CEMIP2: variants seen among roughly 807,000 people sequenced by gnomAD.
CEMIP2 encodes cell migration inducing hyaluronidase 2.
A neutral mutation model predicts 146.9 loss-of-function variants in CEMIP2; 79 were observed. The observed-to-expected ratio is 0.54, with a 90% CI of 0.45 to 0.65. CEMIP2 has a LOEUF of 0.65. Among genes scored for constraint, CEMIP2 ranks in the 30% least tolerant of loss-of-function variants. CEMIP2 has a pLI of 0.00. For synonymous variants in CEMIP2, 601 were observed against 606.3 expected, an observed-to-expected ratio of 0.99 and a Z score of 0.13; for missense variants, 1,596 against 1,696.2, an observed-to-expected ratio of 0.94 and a Z score of 1.04.
In CEMIP2 at chr9:71,717,832, T is replaced by C. The variant is rs151292338; in HGVS notation, c.2399+116A>G. 1.6e-4 allele frequency: 163 copies of C among 1,010,824 alleles called. No homozygotes were observed. The African/African-American group carries it at 2.2e-3, about 14-fold the overall frequency. 62.6% of individuals were successfully genotyped at this position (1,010,824 alleles called of 1,614,324 possible). On this transcript the variant is annotated intron_variant, in intron 13 of 23. Transcript: ENST00000377044. ...TTCCTCAGAGCTTGTCCTGTCTTAATAATAATAATATGATTCCAAGAATCA... is the reference window on the plus strand; with the variant it reads ...TTCCTCAGAGCTTGTCCTGTCTTAACAATAATAATATGATTCCAAGAATCA...
intron 1 of CEMIP2, among the ~76,000 whole-genome samples, chr9:71,755,269 G>A (rs867556314): frequency 1.4e-5 from 2 of 147,600 alleles, no homozygotes; most frequent in African/African-American, 2.5e-5. Context: ...TCAGTGCTTT[G>A]GGGGGTCAAT....
At chr9:71,752,366 T>G (rs1319832355) in intron 1 of CEMIP2, among the ~76,000 whole-genome samples, 1 of 149,448 alleles carries the variant, frequency 6.7e-6, no homozygotes, top group Non-Finnish European at 1.5e-5. Flanking sequence ...GGAAGTCCTT[T>G]TTAATTTTTT....
rs59985618 is a variant in CEMIP2, at chr9:71,732,686, A to ATTTTTTTTTTTTTT, written c.1394-180_1394-167dup. On this transcript the variant is annotated intron_variant, in intron 6 of 23. Transcript: ENST00000377044. ...GAATCAGAATCCCAGGACACGGGGA[A>ATTTTTTTTTTTTTT]TTTTTTTTTTTTTTTTTTTTTTTTT... Among the ~76,000 whole-genome samples, 9 of 75,878 alleles carry ATTTTTTTTTTTTTT rather than the reference A, an allele frequency of 1.2e-4. 2 individuals carry two copies. Among genetic ancestry groups the ATTTTTTTTTTTTTT allele is most frequent in the African/African-American group, 5.0e-4 (8 of 16,098 alleles). The allele number at this position is 75,878 out of a possible 152,430, so 49.8% of individuals were successfully genotyped here. A position where few individuals can be genotyped will look rare whatever the true frequency, so the allele number is the denominator to read the frequency against.
At chr9:71,735,296 A>T (rs1229713340) in intron 5 of CEMIP2, among the ~76,000 whole-genome samples, 1 of 151,982 alleles carries the variant, frequency 6.6e-6, no homozygotes, top group Non-Finnish European at 1.5e-5. Context: ...AGATCCCCAA[A>T]TCTCTTGCTA....
chr9:71,700,644 C>T lies in CEMIP2; in HGVS notation c.3375G>A (p.Thr1125=), dbSNP rs78031191. 15,890 of 1,588,234 alleles carry T rather than the reference C, an allele frequency of 0.01. 421 individuals carry two copies. Among genetic ancestry groups the T allele is most frequent in the Admixed American group, 0.083 (4,415 of 53,432 alleles). ...SERKFYFDSS[T]GLLFLYLKAK... ...ATTCCCTGGTTTCACTGAATTACCC[C>T]GTGCTGGAGTCAAAATAGAATTTCC... The change falls in exon 19 of 24, where the codon ACG becomes ACA. Residue 1125 remains threonine, a splice_region_variant and synonymous_variant. Coordinates refer to ENST00000377044, the MANE Select transcript of CEMIP2 (RefSeq NM_013390.3).
intron 10 of CEMIP2, among the ~76,000 whole-genome samples, chr9:71,726,468 C>T (rs1207381429): frequency 6.6e-6 from 1 of 152,280 alleles, no homozygotes; most frequent in African/African-American, 2.4e-5. Flanking sequence ...CTTAATCATA[C>T]AGTGTAAAAG....
At chr9:71,722,563 C>A in intron 11 of CEMIP2, 48 bp from the exon 12 acceptor site, 1 of 1,388,314 alleles carries the variant, frequency 7.2e-7, no homozygotes, top group East Asian at 2.3e-5. Context: ...TCCCAACTTA[C>A]AACAACATAT....
chr9:71,692,358 A>AC (rs1169048711), intron 21 of CEMIP2, among the ~76,000 whole-genome samples: 184 of 50,762 alleles, frequency 3.6e-3, no homozygotes, highest in South Asian at 5.3e-3. Context: ...CTCTCTCTCT[A>AC]CCCCCCATCT....
At chr9:71,758,013 T>C (rs1407410679) in intron 1 of CEMIP2, among the ~76,000 whole-genome samples, 2 of 152,136 alleles carry the variant, frequency 1.3e-5, no homozygotes, top group Non-Finnish European at 2.9e-5. Context: ...AGAGTTTGGG[T>C]AGGGAGGAAT....
chr9:71,725,235 A>T (rs1823349151), intron 11 of CEMIP2, among the ~76,000 whole-genome samples: 1 of 152,214 alleles, frequency 6.6e-6, no homozygotes, highest in African/African-American at 2.4e-5. Context: ...TGGGAGGTAG[A>T]GCCTAATGGA....
At chr9:71,694,738 T>C in intron 20 of CEMIP2, 131 bp from the exon 21 acceptor site, 1 of 617,640 alleles carries the variant, frequency 1.6e-6, no homozygotes, top group Non-Finnish European at 2.9e-6. Context: ...ACATATTTCA[T>C]GACCTAGAAT....
rs533783613 is a variant in CEMIP2 at position 71,703,250 on chromosome 9, C to T, written c.3194+1345G>A. On this transcript the variant is annotated intron_variant, in intron 18 of 23. Coordinates refer to ENST00000377044, the MANE Select transcript of CEMIP2 (RefSeq NM_013390.3). The stretch of plus-strand genomic sequence containing the variant: ...AGCTGGAACCAACAGGGTGCAGTTA[C>T]GGATAAGATGGAGTGATGAGGGAAA... Among the ~76,000 whole-genome samples the T allele has an allele frequency of 3.3e-5, 5 of 152,148 alleles. No homozygotes were observed. The South Asian group carries it at 6.2e-4, about 19-fold the overall frequency.
rs527308650 is a variant in CEMIP2, at chr9:71,750,519, G to A, written c.-12-134C>T. 3.2e-3 allele frequency: 1,979 copies of A among 627,456 alleles called. 6 individuals are homozygous for A. Among genetic ancestry groups the A allele is most frequent in the Admixed American group, 4.0e-3 (109 of 27,360 alleles). 38.9% of individuals were successfully genotyped at this position (627,456 alleles called of 1,614,324 possible). On this transcript the variant is annotated intron_variant, in intron 1 of 23. Transcript: ENST00000377044. ...TGCAATGGCATGATCTCGGCTCACCGCCACCTCTGCCTCCCAGGTTCAAGT... is the reference window on the plus strand; with the variant it reads ...TGCAATGGCATGATCTCGGCTCACCACCACCTCTGCCTCCCAGGTTCAAGT...
rs147032154 is a variant in CEMIP2 at position 71,761,104 on chromosome 9, G to A, written c.-13+7253C>T. Among the ~76,000 whole-genome samples, 291 of 152,322 alleles carry A rather than the reference G, an allele frequency of 1.9e-3. 3 individuals are homozygous for A. Among genetic ancestry groups the A allele is most frequent in the African/African-American group, 6.6e-3 (276 of 41,572 alleles). ...GAGGCACACAATGGCAAGTGCAGGC[G>A]CGTCACCAGCCTTGCAGCTGGCCTT... On this transcript the variant is annotated intron_variant, in intron 1 of 23. Coordinates refer to ENST00000377044, the MANE Select transcript of CEMIP2 (RefSeq NM_013390.3).
chr9:71,762,749 G>A (rs1231431775), intron 1 of CEMIP2, among the ~76,000 whole-genome samples: 1 of 152,104 alleles, frequency 6.6e-6, no homozygotes, highest in Non-Finnish European at 1.5e-5. Flanking sequence ...AGTGGCTCAC[G>A]CCTGTAATCC....
At chr9:71,688,421 C>T (rs920061241) in intron 22 of CEMIP2, among the ~76,000 whole-genome samples, 5 of 151,584 alleles carry the variant, frequency 3.3e-5, no homozygotes, top group African/African-American at 4.9e-5. Flanking sequence ...GACAGAGTCG[C>T]GCTCTGTTGC....
intron 1 of CEMIP2, among the ~76,000 whole-genome samples, chr9:71,756,610 C>T (rs1322399528): frequency 6.6e-6 from 1 of 151,702 alleles, no homozygotes; most frequent in Non-Finnish European, 1.5e-5. Context: ...CCTTGAGGCT[C>T]TGGGCAATTT....
rs201678615 is a variant in CEMIP2 at position 71,730,843 on chromosome 9, C to T, written c.1635G>A (p.Gly545=). The change falls in exon 8 of 24, where the codon GGG becomes GGA. Residue 545 remains glycine, a synonymous_variant. Transcript: ENST00000377044. ...ELKHMGQQQM[G]RYPVHFHLCG... is the part of the protein sequence containing the mutation. ...ACAGGTGAAAATGAACAGGGTATCG[C>T]CCCATCTGCTGCTGACCCATGTGTT... 1 of 1,614,122 alleles carries T rather than the reference C, an allele frequency of 6.2e-7. No homozygotes were observed. Among genetic ancestry groups the T allele is most frequent in the Non-Finnish European group, 8.5e-7 (1 of 1,180,018 alleles).
At chr9:71,738,141 C>CA (rs1298679257) in intron 5 of CEMIP2, among the ~76,000 whole-genome samples, 2 of 152,142 alleles carry the variant, frequency 1.3e-5, no homozygotes, top group South Asian at 2.1e-4. Flanking sequence ...CTCATGGAGG[C>CA]AAAAACAACC....
Sources: gnomAD v4.1 joint callset for allele counts (sites outside exome capture counted in the v4.1 genomes callset) on GRCh38, gnomAD v4.1.1 for gene constraint, MANE v1.5 for transcripts, NCBI Gene and HGNC (gene_info 2026-07-23, HGNC 2026-07-21) for gene names.